CCSER1: variants seen among roughly 807,000 people sequenced by gnomAD.
CCSER1 encodes serine-rich coiled-coil domain-containing protein 1.
CCSER1 carries 41 observed loss-of-function variants against 82.0 expected under a neutral mutation model. The observed-to-expected ratio is 0.50, with a 90% confidence interval of 0.39 to 0.65. The LOEUF (loss-of-function observed/expected upper bound fraction) is 0.65. Ranked by LOEUF, CCSER1 falls within the 30% of genes least tolerant of loss-of-function variation. The pLI is 0.00. For missense variants in CCSER1, 1,119 were observed against 1,064.2 expected (o/e 1.05, Z -0.72); for synonymous variants, 414 against 383.9 (o/e 1.08, Z -0.92).
At chr4:91,518,240 C>A (rs1462095298) in intron 10 of CCSER1, among the ~76,000 whole-genome samples, 1 of 152,116 alleles carries the variant, frequency 6.6e-6, no homozygotes, top group Non-Finnish European at 1.5e-5. Context: ...TCTCTTGGGG[C>A]TCTACCCCAG....
intron 5 of CCSER1, among the ~76,000 whole-genome samples, chr4:90,595,700 T>C (rs1311421331): frequency 6.6e-6 from 1 of 151,966 alleles, no homozygotes; most frequent in Admixed American, 6.6e-5. Flanking sequence ...GCTTTAGTTT[T>C]TTAGTATCAA....
chr4:90,668,468 T>C (rs1158611821), intron 6 of CCSER1, among the ~76,000 whole-genome samples: 1 of 152,174 alleles, frequency 6.6e-6, no homozygotes, highest in Non-Finnish European at 1.5e-5. Context: ...CAAAACCACT[T>C]ACATGCTCAT....
chr4:91,534,450 G>A (rs1761197158), intron 10 of CCSER1, among the ~76,000 whole-genome samples: 1 of 151,960 alleles, frequency 6.6e-6, no homozygotes, highest in Non-Finnish European at 1.5e-5. Context: ...ACACTATGAT[G>A]TTTACTTGCT....
intron 6 of CCSER1, among the ~76,000 whole-genome samples, chr4:90,672,328 T>C (rs1211676113): frequency 1.3e-5 from 2 of 152,070 alleles, no homozygotes; most frequent in African/African-American, 4.8e-5. Context: ...CAACACTTAC[T>C]GCTTCACCTT....
At chr4:91,147,264 G>A (rs1352751117) in intron 10 of CCSER1, among the ~76,000 whole-genome samples, 1 of 152,162 alleles carries the variant, frequency 6.6e-6, no homozygotes, top group Non-Finnish European at 1.5e-5. Context: ...TAGCCCAGTT[G>A]ACAGCTGTGG....
chr4:90,915,862 C>T (rs888662011), intron 8 of CCSER1, among the ~76,000 whole-genome samples: 3 of 151,886 alleles, frequency 2.0e-5, no homozygotes, highest in Admixed American at 1.3e-4. Context: ...CATTCTTATA[C>T]ACCAATAACA....
rs544537845 is a variant in CCSER1 at position 91,555,871 on chromosome 4, A to G, written c.2218-42701A>G. Reference sequence around the variant, plus strand: ...TTTCAAACTCATTAATCCTTACAGCATCCCCAGGGGTGTGTAATTGTACAG... The same window carrying G: ...TTTCAAACTCATTAATCCTTACAGCGTCCCCAGGGGTGTGTAATTGTACAG... On this transcript the variant is annotated intron_variant, in intron 10 of 10. Coordinates refer to ENST00000509176, the MANE Select transcript of CCSER1 (RefSeq NM_001145065.2). 7.3e-5 allele frequency among the ~76,000 whole-genome samples: 11 copies of G among 151,350 alleles called. No individual in the cohort carries two copies. The East Asian group carries it at 7.7e-4, about 11-fold the overall frequency.
At chr4:91,076,736 T>C (rs1041094708) in intron 9 of CCSER1, among the ~76,000 whole-genome samples, 6 of 152,158 alleles carry the variant, frequency 3.9e-5, no homozygotes, top group Admixed American at 6.5e-5. Context: ...ACTAAATACA[T>C]AGAAAGGCTA....
intron 5 of CCSER1, among the ~76,000 whole-genome samples, chr4:90,478,154 C>G (rs951094186): frequency 3.2e-4 from 49 of 152,082 alleles, no homozygotes; most frequent in Non-Finnish European, 7.4e-5. Context: ...TACCTTACTT[C>G]TTTGTTTTAT....
At chr4:90,978,154 C>G (rs1360748243) in intron 9 of CCSER1, among the ~76,000 whole-genome samples, 2 of 151,546 alleles carry the variant, frequency 1.3e-5, no homozygotes, top group Non-Finnish European at 2.9e-5. Flanking sequence ...CAGCAAATGA[C>G]CTAGCACACA....
intron 9 of CCSER1, among the ~76,000 whole-genome samples, chr4:90,925,890 A>C (rs1049448872): frequency 2.0e-5 from 3 of 152,136 alleles, no homozygotes; most frequent in Non-Finnish European, 4.4e-5. Flanking sequence ...TAAAATATGC[A>C]TGTAAAAACT....
At chr4:91,114,738 G>T (rs532299219) in intron 10 of CCSER1, among the ~76,000 whole-genome samples, 4 of 152,314 alleles carry the variant, frequency 2.6e-5, no homozygotes, top group African/African-American at 7.2e-5. Context: ...CTTCTCTTCA[G>T]TTTAGTCAAT....
intron 10 of CCSER1, among the ~76,000 whole-genome samples, chr4:91,380,193 C>G (rs569457857): frequency 1.3e-5 from 2 of 151,976 alleles, no homozygotes; most frequent in East Asian, 1.9e-4. Flanking sequence ...GGAATAAGTG[C>G]GATGTGGTGC....
At position 91,446,052 on chromosome 4, in the gene CCSER1, TG is replaced by T. The variant is rs543602393; in HGVS notation, c.2218-152517del. The stretch of plus-strand genomic sequence containing the variant: ...GTGAATAATTGTTGTATAGTTTGAG[TG>T]GGAAGAAGTGTTTCATTCTGACTTT... On this transcript the variant is annotated intron_variant, in intron 10 of 10. Transcript: ENST00000509176. Among the ~76,000 whole-genome samples the T allele has an allele frequency of 2.4e-3, 369 of 152,204 alleles. 1 individual carries two copies. Among genetic ancestry groups the T allele is most frequent in the African/African-American group, 8.4e-3 (347 of 41,550 alleles).
chr4:90,377,966 T>C (rs1438739178), intron 3 of CCSER1, among the ~76,000 whole-genome samples: 1 of 152,156 alleles, frequency 6.6e-6, no homozygotes, highest in Non-Finnish European at 1.5e-5. Flanking sequence ...ATTTCATCTC[T>C]AATTCTCCTA....
At chr4:91,473,742 T>G (rs1578554907) in intron 10 of CCSER1, among the ~76,000 whole-genome samples, 1 of 152,128 alleles carries the variant, frequency 6.6e-6, no homozygotes, top group African/African-American at 2.4e-5. Flanking sequence ...ATGGCTATTA[T>G]TTTTACTATT....
At chr4:90,398,079 C>G (rs1226967909) in intron 3 of CCSER1, among the ~76,000 whole-genome samples, 4 of 152,086 alleles carry the variant, frequency 2.6e-5, no homozygotes, top group Non-Finnish European at 5.9e-5. Context: ...TCTCCTGAGG[C>G]CTCTCTCCTT....
intron 5 of CCSER1, among the ~76,000 whole-genome samples, chr4:90,493,240 G>A (rs182818689): frequency 3.6e-4 from 55 of 152,234 alleles, no homozygotes; most frequent in African/African-American, 1.3e-3. Context: ...AATGAACAAA[G>A]CCTCCAAGAA....
At chr4:90,539,815 CA>C (rs2153635257) in intron 5 of CCSER1, among the ~76,000 whole-genome samples, 1 of 152,104 alleles carries the variant, frequency 6.6e-6, no homozygotes, top group African/African-American at 2.4e-5. Context: ...TAAGAAAGTA[CA>C]AATACATTGT....
Sources: gnomAD v4.1 joint callset for allele counts (sites outside exome capture counted in the v4.1 genomes callset) on GRCh38, gnomAD v4.1.1 for gene constraint, MANE v1.5 for transcripts, NCBI Gene and HGNC (gene_info 2026-07-23, HGNC 2026-07-21) for gene names.